The following TBL1Y variants were observed in gnomAD, a reference collection of about 807,000 sequenced individuals.
TBL1Y encodes transducin beta like 1 Y-linked.
A neutral mutation model predicts 12.0 loss-of-function variants in TBL1Y; 15 were observed. That is an observed-to-expected ratio of 1.25 (90% CI 0.83 to 1.92). The LOEUF (loss-of-function observed/expected upper bound fraction) is 1.92. Among genes scored for constraint, TBL1Y ranks in the 40% most tolerant of loss-of-function variants. The probability of loss-of-function intolerance (pLI) is 0.00; values close to 1 mark genes in which losing one functional copy is unlikely to be tolerated. For missense variants in TBL1Y, 148 were observed against 116.7 expected (o/e 1.27, Z -1.24); for synonymous variants, 53 against 42.6 (o/e 1.24, Z -0.95).
chrY:7,027,422 G>A (rs972069596), intron 6 of TBL1Y, among the ~76,000 whole-genome samples: 1 of 33,525 alleles, frequency 3.0e-5, no homozygotes, highest in East Asian at 7.9e-4. Context: ...AGTGGCTCAC[G>A]CCTGTAATTC....
At chrY:7,032,823 A>G in intron 6 of TBL1Y, among the ~76,000 whole-genome samples, 1 of 33,712 alleles carries the variant, frequency 3.0e-5, no homozygotes, top group African/African-American at 1.2e-4. Flanking sequence ...TCTGGGACAC[A>G]TTTAAAGCAG....
chrY:6,948,270 G>A (rs2011997612), intron 2 of TBL1Y, among the ~76,000 whole-genome samples: 1 of 32,283 alleles, frequency 3.1e-5, no homozygotes, highest in African/African-American at 1.2e-4. Flanking sequence ...AATATTCTGG[G>A]ATAGAGCACG....
At chrY:7,080,323 C>T in intron 13 of TBL1Y, among the ~76,000 whole-genome samples, 1 of 32,765 alleles carries the variant, frequency 3.1e-5, no homozygotes, top group Non-Finnish European at 7.5e-5. Context: ...CCTCCCACTT[C>T]GGCCTTCCAA....
Position 7,042,219 on chromosome Y carries a change from G to A in TBL1Y, c.59-761G>A. On this transcript the variant is annotated intron_variant, in intron 6 of 18. Coordinates refer to ENST00000383032, the MANE Select transcript of TBL1Y (RefSeq NM_033284.2). The stretch of plus-strand genomic sequence containing the variant: ...GTTTGCTGTTCCCTCATCTTGGGCT[G>A]AAGAAAGGTGCCCTGTGTGCTTGCA... Among the ~76,000 whole-genome samples, 3 of 32,169 alleles carry A rather than the reference G, an allele frequency of 9.3e-5. No individual in the cohort carries two copies. In the East Asian group the frequency reaches 2.5e-3, roughly 27 times the overall value. 86.3% of individuals were successfully genotyped at this position (32,169 alleles called of 37,273 possible).
chrY:6,982,196 T>C (rs2012288926), intron 3 of TBL1Y, among the ~76,000 whole-genome samples: 1 of 33,351 alleles, frequency 3.0e-5, no homozygotes, highest in African/African-American at 1.2e-4. Context: ...GGCTCATGCC[T>C]GTAGTGTCAA....
intron 2 of TBL1Y, among the ~76,000 whole-genome samples, chrY:6,954,537 G>A (rs2012056150): frequency 2.9e-5 from 1 of 33,938 alleles, no homozygotes; most frequent in Non-Finnish European, 7.3e-5. Context: ...ACAGTATTAG[G>A]GTGGGAGTGA....
intron 13 of TBL1Y, among the ~76,000 whole-genome samples, chrY:7,079,456 G>C (rs568498522): frequency 3.0e-5 from 1 of 33,747 alleles, no homozygotes; most frequent in African/African-American, 1.2e-4. Context: ...TGGACATTTT[G>C]GTGCATTGGG....
At chrY:6,969,830 A>G (rs2012196274) in intron 2 of TBL1Y, among the ~76,000 whole-genome samples, 6 of 32,756 alleles carry the variant, frequency 1.8e-4, no homozygotes, top group African/African-American at 7.2e-4. Flanking sequence ...TAAAAAAAAA[A>G]GGGTTATAGA....
At chrY:6,915,537 G>A in intron 2 of TBL1Y, among the ~76,000 whole-genome samples, 3 of 33,611 alleles carry the variant, frequency 8.9e-5, no homozygotes, top group Non-Finnish European at 2.2e-4. Context: ...CTTTAGAGAG[G>A]TGAATTCCCA....
chrY:7,064,647 G>T lies in TBL1Y; in HGVS notation c.457+498G>T, dbSNP rs763247191. 4.4e-4 allele frequency among the ~76,000 whole-genome samples: 15 copies of T among 33,739 alleles called. No individual in the cohort carries two copies. In the South Asian group the frequency reaches 0.01, roughly 23 times the overall value. 90.5% of individuals were successfully genotyped at this position (33,739 alleles called of 37,273 possible). A position where few individuals can be genotyped will look rare whatever the true frequency, so the allele number is the denominator to read the frequency against. Reference sequence around the variant, plus strand: ...CAGCAAGTACATGGTAAGTCAGTGAGTCTGAATTTCTACCCAGAGAACCTG... The same window carrying T: ...CAGCAAGTACATGGTAAGTCAGTGATTCTGAATTTCTACCCAGAGAACCTG... On this transcript the variant is annotated intron_variant, in intron 8 of 18. Coordinates refer to ENST00000383032, the MANE Select transcript of TBL1Y (RefSeq NM_033284.2).
At chrY:7,041,909 AC>A (rs2012723629) in intron 6 of TBL1Y, among the ~76,000 whole-genome samples, 1 of 29,405 alleles carries the variant, frequency 3.4e-5, no homozygotes, top group African/African-American at 1.3e-4. Context: ...TTCAGTACTG[AC>A]CCCCCGCCCC....
chrY:7,041,298 C>A (rs866530780), intron 6 of TBL1Y, among the ~76,000 whole-genome samples: 1 of 33,591 alleles, frequency 3.0e-5, no homozygotes. Flanking sequence ...CCCCATCAGC[C>A]ATGAGAGTCA....
chrY:6,911,540 G>T, intron 1 of TBL1Y, among the ~76,000 whole-genome samples: 1 of 34,455 alleles, frequency 2.9e-5, no homozygotes, highest in Non-Finnish European at 7.3e-5. Context: ...TCGCAAAACC[G>T]TCAAGGAATT....
At chrY:7,061,091 C>CTT (rs764930107) in intron 7 of TBL1Y, among the ~76,000 whole-genome samples, 1 of 6,199 alleles carries the variant, frequency 1.6e-4, no homozygotes, top group African/African-American at 9.3e-4. Flanking sequence ...TACATTTTTG[C>CTT]TTTTTTTTTT....
At chrY:7,061,605 C>G in intron 7 of TBL1Y, among the ~76,000 whole-genome samples, 1 of 32,375 alleles carries the variant, frequency 3.1e-5, no homozygotes. Context: ...TACCGCTGTT[C>G]TCCCCTCTCC....
chrY:7,060,340 CT>C (rs760582034), intron 7 of TBL1Y, among the ~76,000 whole-genome samples: 1 of 30,136 alleles, frequency 3.3e-5, no homozygotes, highest in Non-Finnish European at 8.1e-5. Context: ...CCTTTTATAC[CT>C]TTTTTTTTTC....
At chrY:6,963,406 A>T in intron 2 of TBL1Y, among the ~76,000 whole-genome samples, 1 of 33,150 alleles carries the variant, frequency 3.0e-5, no homozygotes, top group African/African-American at 1.2e-4. Flanking sequence ...GGTACTTCCA[A>T]ACCCTCCTGT....
chrY:7,007,416 A>G (rs2012494439), intron 4 of TBL1Y, among the ~76,000 whole-genome samples: 1 of 33,320 alleles, frequency 3.0e-5, no homozygotes, highest in Non-Finnish European at 7.4e-5. Flanking sequence ...TGTGATAAAA[A>G]ATACACCAAA....
intron 14 of TBL1Y, among the ~76,000 whole-genome samples, chrY:7,081,902 C>G: frequency 3.1e-5 from 1 of 32,648 alleles, no homozygotes; most frequent in African/African-American, 1.2e-4. Flanking sequence ...AAATATCCAT[C>G]TTCATCAGTG....
Sources: allele counts gnomAD v4.1 joint callset (sites outside exome capture counted in the v4.1 genomes callset), GRCh38; gene constraint gnomAD v4.1.1; transcripts MANE v1.5; gene names NCBI Gene and HGNC (gene_info 2026-07-23, HGNC 2026-07-21).